Variants in PHB2 observed in about 807,000 individuals in gnomAD.
PHB2 encodes the protein prohibitin 2, also known as prohibitin-2.
PHB2 carries 22 observed loss-of-function variants against 46.4 expected under a neutral mutation model. The ratio of observed to expected loss-of-function variants is 0.47; its 90% confidence interval spans 0.34 to 0.68. PHB2 has a LOEUF of 0.68. PHB2 is among the 30% of genes least tolerant of loss of function. The pLI is 0.01. For synonymous variants in PHB2, 156 were observed against 150.5 expected (o/e 1.04, Z -0.27); for missense variants, 305 against 382.8 (o/e 0.80, Z 1.70).
intron 2 of PHB2, chr12:6,969,983 A>G (rs1555151703): frequency 1.4e-6 from 1 of 698,338 alleles, no homozygotes; most frequent in Non-Finnish European, 2.6e-6. Context: ...GCTCCTCTCC[A>G]CGACCACAGA....
At chr12:6,970,323 A>G in intron 1 of PHB2, 43 bp from the exon 2 acceptor site, 1 of 1,606,986 alleles carries the variant, frequency 6.2e-7, no homozygotes, top group Non-Finnish European at 8.5e-7. Flanking sequence ...CGCTGCTCAG[A>G]GGAAATGCTA....
intron 8 of PHB2, among the ~76,000 whole-genome samples, chr12:6,966,195 T>C (rs1262569614): frequency 6.6e-6 from 1 of 152,202 alleles, no homozygotes; most frequent in Non-Finnish European, 1.5e-5. Context: ...CACTTTTTGG[T>C]TAGATGAAAA....
At chr12:6,968,053 G>T (rs782253805) in intron 4 of PHB2, 32 bp from the exon 5 acceptor site, 1 of 1,564,110 alleles carries the variant, frequency 6.4e-7, no homozygotes. Flanking sequence ...GGAAGGGAGG[G>T]GTGGTTTGAG....
chr12:6,970,329 T>C (rs372905419), intron 1 of PHB2, 49 bp from the exon 2 acceptor site: 621 of 1,606,676 alleles, frequency 3.9e-4, no homozygotes, highest in Non-Finnish European at 5.0e-4. Flanking sequence ...TCAGAGGAAA[T>C]GCTAGGCCCG....
rs199701960 is a variant in PHB2, at chr12:6,966,469, G to T, written c.821C>A (p.Thr274Lys). ...TAGGTTCAGCACAAGGTTGTCAGCT[G>T]TGAGATAGATACGATTCTGTGATGT... ...IATSQNRIYL[T>K]ADNLVLNLQD... is the part of the protein sequence containing the mutation. The change falls in exon 8 of 10, where the codon ACA (threonine) becomes AAA (lysine). Residue 274 changes from threonine to lysine, a missense_variant. Thr to Lys is a moderately conservative substitution (Grantham distance 78). Coordinates refer to ENST00000535923, the MANE Select transcript of PHB2 (RefSeq NM_001144831.2). 2.6e-4 allele frequency: 416 copies of T among 1,611,082 alleles called. No individual in the cohort carries two copies. The highest frequency in any genetic ancestry group is 3.4e-4 in the Non-Finnish European group (403 of 1,177,326).
At chr12:6,966,810 T>G (rs923311349) in intron 7 of PHB2, among the ~76,000 whole-genome samples, 2 of 152,216 alleles carry the variant, frequency 1.3e-5, no homozygotes, top group African/African-American at 4.8e-5. Context: ...AGTGGCATGA[T>G]CTCAGCTCAC....
At position 6,970,458 on chromosome 12, in the gene PHB2, GCCCCCAGCAACAGCTTCA is replaced by G; in HGVS notation, c.68_85del (p.Leu23_Ala29delinsPro). ...GCGCACACCGTAGGCCACGGCGCCG[GCCCCCAGCAACAGCTTCA>G]GGGCCGTGCCCATGCCCCGGGGCCC... On this transcript the variant is annotated inframe_deletion, in exon 1 of 10. Coordinates refer to ENST00000535923, the MANE Select transcript of PHB2 (RefSeq NM_001144831.2). 1 of 1,604,776 alleles carries G rather than the reference GCCCCCAGCAACAGCTTCA, an allele frequency of 6.2e-7. No individual in the cohort carries two copies.
intron 4 of PHB2, 67 bp from the exon 5 acceptor site, chr12:6,968,088 T>C: frequency 2.8e-6 from 4 of 1,422,054 alleles, no homozygotes; most frequent in Middle Eastern, 1.8e-4. Context: ...GAAAGGAAGG[T>C]TGCGACCCCT....
chr12:6,969,482 A>T lies in PHB2; in HGVS notation c.292+16T>A. The T allele has an allele frequency of 6.8e-7, 1 of 1,480,468 alleles. No homozygotes were observed. Among genetic ancestry groups the T allele is most frequent in the Non-Finnish European group, 9.4e-7 (1 of 1,067,440 alleles). 91.7% of individuals were successfully genotyped at this position (1,480,468 alleles called of 1,614,324 possible). On this transcript the variant is annotated intron_variant, in intron 3 of 9. Transcript: ENST00000535923. ...TCATCCCACCTGCCATGTGATTACC[A>T]AGTGCTCAGACCTACCTTTGGAGCC...
At chr12:6,970,718 G>A, upstream of PHB2, 3 of 949,540 alleles carry the variant, frequency 3.2e-6, no homozygotes, top group East Asian at 2.6e-5. Context: ...GCCCACTACG[G>A]ACCCGAACTT....
At position 6,970,454 on chromosome 12, in the gene PHB2, G is replaced by A. The variant is rs1946303617; in HGVS notation, c.90C>T (p.Gly30=). 2 of 1,604,526 alleles carry A rather than the reference G, an allele frequency of 1.2e-6. No homozygotes were observed. Among genetic ancestry groups the A allele is most frequent in the Non-Finnish European group, 8.5e-7 (1 of 1,179,564 alleles). ...ATTCGCGCACACCGTAGGCCACGGC[G>A]CCGGCCCCCAGCAACAGCTTCAGGG... ...GTALKLLLGA[G]AVAYGVRESV... Residue 30 remains glycine (G), a synonymous_variant, in exon 1 of 10, where the codon GGC becomes GGT. Transcript: ENST00000535923.
chr12:6,968,427 A>G lies in PHB2; in HGVS notation c.461T>C (p.Ile154Thr). 1 of 1,609,682 alleles carries G rather than the reference A, an allele frequency of 6.2e-7. No homozygotes were observed. The highest frequency in any genetic ancestry group is 8.5e-7 in the Non-Finnish European group (1 of 1,177,300). Residue 154 changes from isoleucine to threonine, a missense_variant, in exon 4 of 10, where the codon ATC (isoleucine) becomes ACC (threonine). Transcript: ENST00000535923. ...GAGTCAGACCTGGGCCCGCTGGGTGATCAGCTGTGAGGCATTGAACTTGGC... is the reference window on the plus strand; with the variant it reads ...GAGTCAGACCTGGGCCCGCTGGGTGGTCAGCTGTGAGGCATTGAACTTGGC... Reference protein sequence around the residue: ...VVAKFNASQLITQRAQVSLLI... With the variant: ...VVAKFNASQLTTQRAQVSLLI...
At chr12:6,968,361 G>T in intron 4 of PHB2, 50 bp downstream of exon 4, 1 of 1,336,482 alleles carries the variant, frequency 7.5e-7, no homozygotes, top group Non-Finnish European at 1.1e-6. Flanking sequence ...CAATACTCTG[G>T]GCCTAGGAAG....
Position 6,965,531 on chromosome 12 carries a change from C to A in PHB2, c.*154G>T. 2 of 691,952 alleles carry A rather than the reference C, an allele frequency of 2.9e-6. No individual in the cohort carries two copies. Among genetic ancestry groups the A allele is most frequent in the Non-Finnish European group, 5.3e-6 (2 of 380,324 alleles). The allele number at this position is 691,952 out of a possible 1,614,324, so 42.9% of individuals were successfully genotyped here. On this transcript the variant is annotated 3_prime_UTR_variant, in exon 10 of 10. Coordinates refer to ENST00000535923, the MANE Select transcript of PHB2 (RefSeq NM_001144831.2). ...CCCAGAAAAGGGGCTAGTCTTCAGT[C>A]TTCCTTAATCCAAGAGGGGTTCAGG...
intron 1 of PHB2, 54 bp from the exon 2 acceptor site, chr12:6,970,334 G>C (rs1946300042): frequency 6.2e-7 from 1 of 1,604,260 alleles, no homozygotes; most frequent in Non-Finnish European, 8.5e-7. Flanking sequence ...GGAAATGCTA[G>C]GCCCGTGGAG....
At chr12:6,966,068 A>G (rs1946207294) in intron 8 of PHB2, among the ~76,000 whole-genome samples, 152 bp from the exon 9 acceptor site, 1 of 152,186 alleles carries the variant, frequency 6.6e-6, no homozygotes, top group Admixed American at 6.5e-5. Flanking sequence ...AGGCTCATGA[A>G]AGGAGGAGGC....
At chr12:6,970,307 C>T in intron 1 of PHB2, 27 bp from the exon 2 acceptor site, 1 of 1,610,144 alleles carries the variant, frequency 6.2e-7, no homozygotes, top group Non-Finnish European at 8.5e-7. Context: ...GGTGATCAGG[C>T]CAGGCCGCTG....
chr12:6,970,052 T>G (rs7301709), intron 2 of PHB2, 144 bp downstream of exon 2: 722,359 of 730,702 alleles, frequency 0.99, 357,089 homozygotes, highest in East Asian at 1. Context: ...CTGGAGGTTC[T>G]CGCAGCACCC....
At chr12:6,970,371 G>T in intron 1 of PHB2, 46 bp downstream of exon 1, 2 of 1,604,348 alleles carry the variant, frequency 1.2e-6, no homozygotes, top group Non-Finnish European at 8.5e-7. Flanking sequence ...CAAGGGGTTT[G>T]GGGGAGGGAC....
Sources: gnomAD v4.1 joint callset for allele counts (sites outside exome capture counted in the v4.1 genomes callset) on GRCh38, gnomAD v4.1.1 for gene constraint, MANE v1.5 for transcripts, NCBI Gene and HGNC (gene_info 2026-07-23, HGNC 2026-07-21) for gene names.